Variants in ATP6V1C1 observed in about 807,000 individuals in gnomAD.
The protein encoded by ATP6V1C1 is V-type proton ATPase subunit C 1.
Under a neutral mutation model 53.9 loss-of-function variants are expected in ATP6V1C1, and 45 were observed. That is an observed-to-expected ratio of 0.83 (90% CI 0.66 to 1.07). The LOEUF (loss-of-function observed/expected upper bound fraction) is 1.07. ATP6V1C1 is among the 50% of genes least tolerant of loss of function. The probability of loss-of-function intolerance (pLI) is 0.00; values close to 1 mark genes in which losing one functional copy is unlikely to be tolerated. For missense variants in ATP6V1C1, 315 were observed against 440.3 expected (o/e 0.72, Z 2.55); for synonymous variants, 153 against 155.2 (o/e 0.99, Z 0.11).
chr8:103,066,361 C>G lies in ATP6V1C1; in HGVS notation c.967C>G (p.Pro323Ala). 1.2e-6 allele frequency: 2 copies of G among 1,613,332 alleles called. No individual in the cohort carries two copies. Among genetic ancestry groups the G allele is most frequent in the Non-Finnish European group, 1.7e-6 (2 of 1,179,808 alleles). Residue 323 changes from proline (P) to alanine (A), a missense_variant, in exon 12 of 13, where the codon CCC becomes GCC. Pro to Ala is a conservative substitution (Grantham distance 27). Coordinates refer to ENST00000518738, the MANE Select transcript of ATP6V1C1 (RefSeq NM_001695.5). ...PVNFQAMLLQ[P>A]NKKTLKKLRE... Reference sequence around the variant, plus strand: ...GAACTTCCAAGCAATGCTACTTCAGCCCAATAAGAAAACTTTGAAGAAACT... The same window carrying G: ...GAACTTCCAAGCAATGCTACTTCAGGCCAATAAGAAAACTTTGAAGAAACT...
At chr8:103,045,752 T>A (rs544128248) in intron 3 of ATP6V1C1, among the ~76,000 whole-genome samples, 1 of 152,060 alleles carries the variant, frequency 6.6e-6, no homozygotes, top group African/African-American at 2.4e-5. Context: ...CCATCCTGGC[T>A]AACACGATGA....
rs897359364 is a variant in ATP6V1C1, at chr8:103,072,574, A to G, written c.*3827A>G. ...AGTACTTGTCTCTAAATTGATGTTC[A>G]CCCATTTCAATATTGCACTTATTAA... On this transcript the variant is annotated 3_prime_UTR_variant, in exon 13 of 13. Transcript: ENST00000518738. 1 of 152,216 alleles carries G rather than the reference A, an allele frequency of 6.6e-6. No individual in the cohort carries two copies. The highest frequency in any genetic ancestry group is 1.5e-5 in the Non-Finnish European group (1 of 68,028). The allele number at this position is 152,216 out of a possible 1,614,324, so 9.4% of individuals were successfully genotyped here. A position where few individuals can be genotyped will look rare whatever the true frequency, so the allele number is the denominator to read the frequency against.
chr8:103,062,791 A>G (rs1817424547), intron 8 of ATP6V1C1, among the ~76,000 whole-genome samples, 164 bp from the exon 9 acceptor site: 1 of 152,224 alleles, frequency 6.6e-6, no homozygotes, highest in South Asian at 2.1e-4. Flanking sequence ...ATAAACATTC[A>G]GTATCTTCGG....
chr8:103,030,714 G>T (rs1056976760), intron 1 of ATP6V1C1, among the ~76,000 whole-genome samples: 1 of 152,160 alleles, frequency 6.6e-6, no homozygotes. Flanking sequence ...GAATTTGCAG[G>T]TGGGATTGAC....
intron 1 of ATP6V1C1, among the ~76,000 whole-genome samples, chr8:103,040,122 T>A (rs1420271689): frequency 6.6e-6 from 1 of 152,190 alleles, no homozygotes; most frequent in African/African-American, 2.4e-5. Context: ...TTATGCTTTT[T>A]TTTTCTTTTT....
chr8:103,052,080 A>G (rs1472799158), intron 5 of ATP6V1C1, among the ~76,000 whole-genome samples: 1 of 151,988 alleles, frequency 6.6e-6, no homozygotes, highest in African/African-American at 2.4e-5. Context: ...TTTTTTCTGT[A>G]TCCTTAAGGA....
intron 3 of ATP6V1C1, among the ~76,000 whole-genome samples, chr8:103,043,611 G>A (rs1341636378): frequency 2.6e-5 from 4 of 152,102 alleles, no homozygotes; most frequent in East Asian, 1.9e-4. Flanking sequence ...GATTACAGGC[G>A]TGAGCCACCG....
Position 103,051,029 on chromosome 8 carries a change from T to C in ATP6V1C1, c.287-21T>C, listed in dbSNP as rs1350964775. 18 of 1,492,974 alleles carry C rather than the reference T, an allele frequency of 1.2e-5. No individual in the cohort carries two copies. The Admixed American group carries it at 3.1e-4, about 26-fold the overall frequency. The allele number at this position is 1,492,974 out of a possible 1,614,324, so 92.5% of individuals were successfully genotyped here. On this transcript the variant is annotated intron_variant, in intron 4 of 12. Coordinates refer to ENST00000518738, the MANE Select transcript of ATP6V1C1 (RefSeq NM_001695.5). ...AATTCTATTGTTTTTCTTCAGTAATTAATTTATTCCCTTATTTCAGTGGAC... is the reference window on the plus strand; with the variant it reads ...AATTCTATTGTTTTTCTTCAGTAATCAATTTATTCCCTTATTTCAGTGGAC...
At chr8:103,032,879 T>C (rs147870522) in intron 1 of ATP6V1C1, among the ~76,000 whole-genome samples, 1 of 152,306 alleles carries the variant, frequency 6.6e-6, no homozygotes, top group African/African-American at 2.4e-5. Flanking sequence ...AAAAGCTTTG[T>C]AGAGGAATGT....
intron 1 of ATP6V1C1, among the ~76,000 whole-genome samples, chr8:103,031,455 G>C (rs1428099467): frequency 6.6e-6 from 1 of 152,188 alleles, no homozygotes; most frequent in African/African-American, 2.4e-5. Flanking sequence ...CATGGCAGAG[G>C]GGAAGGGGAG....
At chr8:103,026,599 T>C (rs1428047850) in intron 1 of ATP6V1C1, among the ~76,000 whole-genome samples, 1 of 152,108 alleles carries the variant, frequency 6.6e-6, no homozygotes. Context: ...GATCACTTGA[T>C]GTCAGGAGTT....
At chr8:103,049,051 G>A in intron 4 of ATP6V1C1, 96 bp downstream of exon 4, 1 of 1,133,916 alleles carries the variant, frequency 8.8e-7, no homozygotes, top group Non-Finnish European at 1.3e-6. Context: ...CTACAGAAAA[G>A]GACACTAAAT....
chr8:103,065,217 T>C (rs764159011), intron 11 of ATP6V1C1, among the ~76,000 whole-genome samples: 9 of 152,218 alleles, frequency 5.9e-5, no homozygotes, highest in Non-Finnish European at 1.3e-4. Flanking sequence ...AAAAATCATA[T>C]TCTGGTCCAA....
intron 1 of ATP6V1C1, among the ~76,000 whole-genome samples, chr8:103,033,609 A>T (rs1460942655): frequency 6.6e-6 from 1 of 152,222 alleles, no homozygotes; most frequent in Non-Finnish European, 1.5e-5. Context: ...CCCCAGAGAA[A>T]TACTACAAAG....
intron 11 of ATP6V1C1, 128 bp downstream of exon 11, chr8:103,064,939 C>A: frequency 1.4e-6 from 1 of 702,944 alleles, no homozygotes; most frequent in Non-Finnish European, 2.3e-6. Flanking sequence ...AATCATGAGA[C>A]AGAGATTATC....
chr8:103,039,931 G>A (rs543495065), intron 1 of ATP6V1C1, among the ~76,000 whole-genome samples: 1 of 151,556 alleles, frequency 6.6e-6, no homozygotes, highest in African/African-American at 2.4e-5. Context: ...GTAAATGTTC[G>A]ATGGCAACTA....
chr8:103,024,319 A>G (rs1816658178), intron 1 of ATP6V1C1, among the ~76,000 whole-genome samples: 2 of 152,336 alleles, frequency 1.3e-5, no homozygotes, highest in South Asian at 4.2e-4. Flanking sequence ...TTGGTATATT[A>G]GTCTTAGGAG....
chr8:103,057,861 C>T (rs1475978258), intron 8 of ATP6V1C1, among the ~76,000 whole-genome samples: 1 of 151,956 alleles, frequency 6.6e-6, no homozygotes, highest in Non-Finnish European at 1.5e-5. Context: ...AATATCTTTC[C>T]TTCATACCAG....
At chr8:103,043,570 A>G (rs1470625893) in intron 3 of ATP6V1C1, among the ~76,000 whole-genome samples, 1 of 151,274 alleles carries the variant, frequency 6.6e-6, no homozygotes, top group Non-Finnish European at 1.5e-5. Context: ...TGACCTCGTG[A>G]TCCACCCACC....
Sources: gnomAD v4.1 joint callset for allele counts (sites outside exome capture counted in the v4.1 genomes callset) on GRCh38, gnomAD v4.1.1 for gene constraint, MANE v1.5 for transcripts, NCBI Gene and HGNC (gene_info 2026-07-23, HGNC 2026-07-21) for gene names.